The following NKIRAS1 variants were observed in gnomAD, a reference collection of about 807,000 sequenced individuals.
NKIRAS1 encodes NFKB inhibitor interacting Ras like 1, also known as NF-kappa-B inhibitor-interacting Ras-like protein 1.
Under a neutral mutation model 19.8 loss-of-function variants are expected in NKIRAS1, and 16 were observed. That is an observed-to-expected ratio of 0.81 (90% CI 0.55 to 1.23). The LOEUF (loss-of-function observed/expected upper bound fraction) is 1.23. Among genes scored for constraint, NKIRAS1 ranks in the 50% most tolerant of loss-of-function variants. The pLI, the probability that NKIRAS1 is intolerant of heterozygous loss-of-function variation, is 0.00. For synonymous variants in NKIRAS1, 88 were observed against 79.0 expected, an observed-to-expected ratio of 1.11 and a Z score of -0.61; for missense variants, 184 against 220.0, an observed-to-expected ratio of 0.84 and a Z score of 1.04.
At chr3:23,941,212 G>C (rs894204057) in intron 1 of NKIRAS1, among the ~76,000 whole-genome samples, 1 of 152,154 alleles carries the variant, frequency 6.6e-6, no homozygotes, top group Non-Finnish European at 1.5e-5. Context: ...ATCTTTAATA[G>C]ACTTCACCTT....
chr3:23,921,570 G>GTTGTGT, upstream of NKIRAS1: 6 of 508,314 alleles, frequency 1.2e-5, no homozygotes, highest in East Asian at 7.1e-5. Flanking sequence ...TGATTATTGA[G>GTTGTGT]TTTTTTTTTT....
intron 1 of NKIRAS1, among the ~76,000 whole-genome samples, chr3:23,912,113 C>G (rs1179141375): frequency 2.0e-5 from 3 of 152,130 alleles, no homozygotes; most frequent in Non-Finnish European, 4.4e-5. Context: ...GAATAGACAA[C>G]TCTAGAAAAA....
intron 4 of NKIRAS1, among the ~76,000 whole-genome samples, chr3:23,898,441 G>C (rs1439406600): frequency 1.3e-5 from 2 of 149,406 alleles, no homozygotes; most frequent in Non-Finnish European, 3.0e-5. Flanking sequence ...CATATTGTAT[G>C]ATTTTTTTTT....
At chr3:23,895,502 C>G (rs1046217566) in intron 4 of NKIRAS1, among the ~76,000 whole-genome samples, 2 of 152,110 alleles carry the variant, frequency 1.3e-5, no homozygotes, top group Admixed American at 6.6e-5. Flanking sequence ...CCTCCCTACC[C>G]AGCTTAGATT....
upstream of NKIRAS1, chr3:23,919,391 C>G (rs748116544): frequency 8.7e-6 from 14 of 1,602,720 alleles, no homozygotes; most frequent in East Asian, 1.8e-4. Context: ...ATCTGCAGGC[C>G]GAAAGAGCCG....
intron 1 of NKIRAS1, among the ~76,000 whole-genome samples, chr3:23,915,749 C>T (rs1265470935): frequency 2.6e-5 from 4 of 152,130 alleles, no homozygotes; most frequent in African/African-American, 9.7e-5. Flanking sequence ...AGTCATGGCT[C>T]TTCTCCCTCT....
intron 1 of NKIRAS1, among the ~76,000 whole-genome samples, chr3:23,937,468 A>T (rs1705416564): frequency 6.6e-6 from 1 of 152,166 alleles, no homozygotes; most frequent in African/African-American, 2.4e-5. Context: ...ATAAACAGGA[A>T]GATTGAATGG....
At chr3:23,897,305 G>C (rs773565616) in intron 4 of NKIRAS1, among the ~76,000 whole-genome samples, 1 of 152,004 alleles carries the variant, frequency 6.6e-6, no homozygotes, top group Non-Finnish European at 1.5e-5. Context: ...ACTAATAAAG[G>C]GGTAAAATAT....
At chr3:23,896,516 G>A (rs966336866) in intron 4 of NKIRAS1, among the ~76,000 whole-genome samples, 1 of 152,070 alleles carries the variant, frequency 6.6e-6, no homozygotes, top group Non-Finnish European at 1.5e-5. Context: ...GGGAGGCTGA[G>A]GCAGGAAAAT....
chr3:23,908,992 G>A (rs1703366802), intron 3 of NKIRAS1, among the ~76,000 whole-genome samples: 1 of 151,838 alleles, frequency 6.6e-6, no homozygotes, highest in South Asian at 2.1e-4. Flanking sequence ...CATCACGCCT[G>A]GCCACGGTTT....
chr3:23,923,978 G>GT (rs1705162774), intron 1 of NKIRAS1: 1 of 152,084 alleles, frequency 6.6e-6, no homozygotes, highest in Non-Finnish European at 1.5e-5. Context: ...AAACTACATT[G>GT]TTTTCCTGGC....
chr3:23,914,345 G>A (rs1163893300), intron 1 of NKIRAS1, among the ~76,000 whole-genome samples: 1 of 152,118 alleles, frequency 6.6e-6, no homozygotes, highest in Admixed American at 6.5e-5. Flanking sequence ...ACTTTCTGAC[G>A]CAACCAGAAA....
chr3:23,898,785 C>T (rs761677799), intron 4 of NKIRAS1, among the ~76,000 whole-genome samples: 2 of 152,106 alleles, frequency 1.3e-5, no homozygotes, highest in Non-Finnish European at 2.9e-5. Context: ...ACCCCTAGGT[C>T]ATGCGCTGGT....
At chr3:23,933,742 G>A (rs1295204613) in intron 1 of NKIRAS1, among the ~76,000 whole-genome samples, 1 of 152,074 alleles carries the variant, frequency 6.6e-6, no homozygotes, top group East Asian at 1.9e-4. Context: ...GGATGTCTTA[G>A]TCACTTTGTG....
upstream of NKIRAS1, chr3:23,918,868 G>T (rs1704883503): frequency 2.0e-6 from 1 of 503,226 alleles, no homozygotes; most frequent in South Asian, 3.1e-5. Context: ...TATTTTTAAA[G>T]CTAAACGTTG....
intron 4 of NKIRAS1, among the ~76,000 whole-genome samples, chr3:23,893,814 A>C (rs1441296265): frequency 1.3e-5 from 2 of 151,140 alleles, no homozygotes; most frequent in African/African-American, 4.9e-5. Flanking sequence ...AAAAAAAAAA[A>C]AAAAAAAATG....
rs1448318612 is a variant in NKIRAS1 at position 23,889,965 on chromosome 3, CAAATAT to C, written c.*3124_*3129del. 1 of 155,074 alleles carries C rather than the reference CAAATAT, an allele frequency of 6.4e-6. No homozygotes were observed. The highest frequency in any genetic ancestry group is 2.4e-5 in the African/African-American group (1 of 41,350). The allele number at this position is 155,074 out of a possible 1,614,324, so 9.6% of individuals were successfully genotyped here. A position where few individuals can be genotyped will look rare whatever the true frequency, so the allele number is the denominator to read the frequency against. On this transcript the variant is annotated 3_prime_UTR_variant, in exon 5 of 5. Transcript: ENST00000425478. ...AGACAAATATATTTTCTAGGTAAAC[CAAATAT>C]AAATTTATTAAAGATCCTAAGATTC...
chr3:23,937,374 CTT>C (rs1269555401), intron 1 of NKIRAS1, among the ~76,000 whole-genome samples: 3 of 151,910 alleles, frequency 2.0e-5, no homozygotes, highest in Non-Finnish European at 4.4e-5. Flanking sequence ...GAAAAGAAAA[CTT>C]AAGAGAATGG....
intron 1 of NKIRAS1, chr3:23,916,088 C>T (rs1704363542): frequency 6.6e-6 from 1 of 152,030 alleles, no homozygotes; most frequent in Admixed American, 6.6e-5. Context: ...CAGATAGAGA[C>T]TCTTAAAAAC....
Sources: gnomAD v4.1 joint callset for allele counts (sites outside exome capture counted in the v4.1 genomes callset) on GRCh38, gnomAD v4.1.1 for gene constraint, MANE v1.5 for transcripts, NCBI Gene and HGNC (gene_info 2026-07-23, HGNC 2026-07-21) for gene names.